PUDP: variants seen among roughly 807,000 people sequenced by gnomAD.
PUDP encodes the protein pseudouridine-5'-phosphatase.
Under a neutral mutation model 9.4 loss-of-function variants are expected in PUDP, and 8 were observed. The ratio of observed to expected loss-of-function variants is 0.85; its 90% CI spans 0.50 to 1.53. PUDP has a LOEUF of 1.53. Among genes scored for constraint, PUDP ranks in the 40% most tolerant of loss-of-function variants. PUDP has a pLI of 0.00. For synonymous variants in PUDP, 99 were observed against 80.7 expected, an observed-to-expected ratio of 1.23 and a Z score of -1.22; for missense variants, 188 against 189.7, an observed-to-expected ratio of 0.99 and a Z score of 0.05.
At chrX:6,768,244 T>C (rs1490605284) in intron 3 of PUDP, among the ~76,000 whole-genome samples, 2 of 111,401 alleles carry the variant, frequency 1.8e-5, no homozygotes, top group South Asian at 3.8e-4. Flanking sequence ...AGTTGATGGG[T>C]TGAGGCCAGG....
At chrX:6,775,514 C>T (rs113497876) in intron 3 of PUDP, among the ~76,000 whole-genome samples, 1 of 43,541 alleles carries the variant, frequency 2.3e-5, no homozygotes, top group Non-Finnish European at 5.2e-5. Context: ...TACACACACA[C>T]ACACACACAC....
intron 3 of PUDP, among the ~76,000 whole-genome samples, chrX:6,844,362 T>A (rs971040649): frequency 8.8e-6 from 1 of 113,056 alleles, no homozygotes; most frequent in South Asian, 3.6e-4. Flanking sequence ...GCAACCATTA[T>A]GCTGCCAGCT....
At chrX:7,086,602 G>A (rs1156965842) in intron 2 of PUDP, among the ~76,000 whole-genome samples, 1 of 112,080 alleles carries the variant, frequency 8.9e-6, no homozygotes, top group Non-Finnish European at 1.9e-5. Flanking sequence ...GCTCTAGGGA[G>A]CATGCTTCTT....
chrX:6,887,673 C>G (rs1387412406), intron 3 of PUDP, among the ~76,000 whole-genome samples: 2 of 111,984 alleles, frequency 1.8e-5, no homozygotes, highest in Non-Finnish European at 3.8e-5. Context: ...CAAAGGACCT[C>G]AGCAAATGAG....
At chrX:6,845,072 C>T (rs767628344) in intron 3 of PUDP, among the ~76,000 whole-genome samples, 2 of 112,312 alleles carry the variant, frequency 1.8e-5, no homozygotes, top group South Asian at 3.7e-4. Context: ...TTCAAATGCT[C>T]ATCTCTTCCA....
chrX:6,800,777 TC>T (rs1209233169), intron 3 of PUDP, among the ~76,000 whole-genome samples: 4 of 111,904 alleles, frequency 3.6e-5, no homozygotes, highest in African/African-American at 6.5e-5. Context: ...GTGGTCAATT[TC>T]TTGGGCTTCT....
intron 3 of PUDP, among the ~76,000 whole-genome samples, chrX:7,061,407 G>T (rs1035858792): frequency 1.8e-5 from 2 of 111,162 alleles, no homozygotes; most frequent in Non-Finnish European, 3.8e-5. Context: ...TATACCTTGG[G>T]ACAAAATGCA....
At chrX:7,113,767 C>T (rs114975154) in intron 1 of PUDP, among the ~76,000 whole-genome samples, 1,840 of 112,074 alleles carry the variant, frequency 0.016, 35 homozygotes, top group African/African-American at 0.052. Flanking sequence ...CCTTGATTCT[C>T]GAAATGAGGT....
intron 3 of PUDP, among the ~76,000 whole-genome samples, chrX:6,758,861 G>A (rs183220809): frequency 3.6e-4 from 40 of 111,786 alleles, no homozygotes; most frequent in African/African-American, 1.2e-3. Flanking sequence ...GAATCCAGCC[G>A]TGTGGCACAG....
chrX:7,063,572 A>G (rs1569149478), intron 3 of PUDP, among the ~76,000 whole-genome samples: 1 of 111,869 alleles, frequency 8.9e-6, no homozygotes, highest in Non-Finnish European at 1.9e-5. Context: ...CTAGGGAGAT[A>G]AAGTCTCCCC....
At chrX:6,983,003 A>G (rs1929056821) in intron 1 of PUDP, among the ~76,000 whole-genome samples, 1 of 112,600 alleles carries the variant, frequency 8.9e-6, no homozygotes, top group Non-Finnish European at 1.9e-5. Context: ...TCCAGCCACA[A>G]AAAAGAATGA....
chrX:6,969,155 T>C (rs1292846957), intron 3 of PUDP, among the ~76,000 whole-genome samples: 1 of 112,259 alleles, frequency 8.9e-6, no homozygotes, highest in Non-Finnish European at 1.9e-5. Flanking sequence ...GCACGGTGGG[T>C]GTGAATGACT....
At chrX:7,087,867 A>G (rs1420875757) in intron 2 of PUDP, among the ~76,000 whole-genome samples, 2 of 111,911 alleles carry the variant, frequency 1.8e-5, no homozygotes, top group Non-Finnish European at 3.8e-5. Context: ...CTTTGTGGCA[A>G]TAGGTGCTGT....
intron 2 of PUDP, among the ~76,000 whole-genome samples, chrX:7,100,227 A>C (rs1396117473): frequency 3.7e-5 from 4 of 108,859 alleles, no homozygotes; most frequent in African/African-American, 1.3e-4. Context: ...CCTGCAGCAT[A>C]ATCAAGCTGA....
At chrX:7,089,290 A>G (rs1931356121) in intron 2 of PUDP, among the ~76,000 whole-genome samples, 1 of 111,859 alleles carries the variant, frequency 8.9e-6, no homozygotes, top group African/African-American at 3.3e-5. Context: ...CCTTCCCCAG[A>G]GAAGAGTTCT....
rs758635807 is a variant in PUDP at position 6,715,701 on chromosome X, G to A, written n.128+5716C>T. Among the ~76,000 whole-genome samples, 7 of 112,230 alleles carry A rather than the reference G, an allele frequency of 6.2e-5. No individual in the cohort carries two copies. In the South Asian group the frequency reaches 2.6e-3, roughly 42 times the overall value. ...AGACAGAGGACTCAGGACGAAGTGA[G>A]TTCAAAATGTTGGTATTATCACTGG... On this transcript the variant is annotated intron_variant and non_coding_transcript_variant, in intron 1 of 2. Coordinates refer to the PUDP transcript ENST00000438499.
chrX:6,938,522 T>C (rs1303898628), intron 3 of PUDP, among the ~76,000 whole-genome samples: 1 of 90,220 alleles, frequency 1.1e-5, no homozygotes, highest in Non-Finnish European at 2.2e-5. Context: ...TCGGGAGATA[T>C]ACCTAATGCT....
chrX:6,743,108 C>A (rs912685169), intron 3 of PUDP, among the ~76,000 whole-genome samples: 1 of 111,831 alleles, frequency 8.9e-6, no homozygotes, highest in East Asian at 2.8e-4. Context: ...GTACATCATG[C>A]TGCAACTTCT....
At position 7,147,932 on chromosome X, in the gene PUDP, G is replaced by A. The variant is rs772798149; in HGVS notation, c.61+121C>T. ...CCGGGGGCAGAGCGCGCGGGAGCCC[G>A]AGCGTCCCTGCATGAACACCGCCCC... On this transcript the variant is annotated intron_variant, in intron 1 of 3. Transcript: ENST00000381077. 15 of 527,390 alleles carry A rather than the reference G, an allele frequency of 2.8e-5. No individual in the cohort carries two copies. In the Admixed American group the frequency reaches 2.9e-4, roughly 10 times the overall value. The allele number at this position is 527,390 out of a possible 1,213,427, so 43.5% of individuals were successfully genotyped here. A position where few individuals can be genotyped will look rare whatever the true frequency, so the allele number is the denominator to read the frequency against.
Sources: allele counts gnomAD v4.1 joint callset (sites outside exome capture counted in the v4.1 genomes callset), GRCh38; gene constraint gnomAD v4.1.1; transcripts MANE v1.5; gene names NCBI Gene and HGNC (gene_info 2026-07-23, HGNC 2026-07-21).